KCNH8: variants seen among roughly 807,000 people sequenced by gnomAD.
The protein encoded by KCNH8 is potassium voltage-gated channel subfamily H member 8.
Under a neutral mutation model 103.6 loss-of-function variants are expected in KCNH8, and 70 were observed. That is an observed-to-expected ratio of 0.68 (90% CI 0.56 to 0.82). The LOEUF is 0.82. Ranked by LOEUF, KCNH8 falls within the 40% of genes least tolerant of loss-of-function variation. The probability of loss-of-function intolerance (pLI) is 0.00; values close to 1 mark genes in which losing one functional copy is unlikely to be tolerated. For synonymous variants in KCNH8, 498 were observed against 489.4 expected, an observed-to-expected ratio of 1.02 and a Z score of -0.23; for missense variants, 1,217 against 1,329.9, an observed-to-expected ratio of 0.92 and a Z score of 1.32.
intron 11 of KCNH8, among the ~76,000 whole-genome samples, chr3:19,490,182 C>A (rs936708904): frequency 6.6e-6 from 1 of 152,256 alleles, no homozygotes; most frequent in Non-Finnish European, 1.5e-5. Flanking sequence ...AAGGGGCTGA[C>A]TCAACTGTCC....
At chr3:19,489,747 T>C (rs1042633112) in intron 11 of KCNH8, among the ~76,000 whole-genome samples, 2 of 151,914 alleles carry the variant, frequency 1.3e-5, no homozygotes, top group Non-Finnish European at 2.9e-5. Flanking sequence ...AAAGAACAGG[T>C]AAAGAGGGCA....
chr3:19,484,677 C>CGA (rs1213416552), intron 11 of KCNH8, among the ~76,000 whole-genome samples: 1 of 151,444 alleles, frequency 6.6e-6, no homozygotes, highest in Non-Finnish European at 1.5e-5. Context: ...GGTTTGAGGT[C>CGA]CTTTCCACGG....
At chr3:19,204,979 A>G (rs960919916) in intron 1 of KCNH8, among the ~76,000 whole-genome samples, 1 of 152,150 alleles carries the variant, frequency 6.6e-6, no homozygotes, top group African/African-American at 2.4e-5. Context: ...AGTGTTTCCT[A>G]TACCTATTAG....
chr3:19,484,968 A>G lies in KCNH8; in HGVS notation c.2041-25395A>G, dbSNP rs1335506574. ...AGAAGGAGTGCATTTAATTTTAAACAATACCATAGGAAGGGCCTGTATCTA... is the reference window on the plus strand; with the variant it reads ...AGAAGGAGTGCATTTAATTTTAAACGATACCATAGGAAGGGCCTGTATCTA... On this transcript the variant is annotated intron_variant, in intron 11 of 15. Coordinates refer to ENST00000328405, the MANE Select transcript of KCNH8 (RefSeq NM_144633.3). Among the ~76,000 whole-genome samples, 5 of 152,258 alleles carry G rather than the reference A, an allele frequency of 3.3e-5. No homozygotes were observed. In the East Asian group the frequency reaches 9.6e-4, roughly 29 times the overall value.
intron 2 of KCNH8, among the ~76,000 whole-genome samples, chr3:19,261,452 T>C (rs1389167469): frequency 6.6e-6 from 1 of 151,938 alleles, no homozygotes; most frequent in Non-Finnish European, 1.5e-5. Context: ...ATATGTTTCC[T>C]TGCCATTGAG....
At chr3:19,463,416 G>A (rs1384767513) in intron 11 of KCNH8, among the ~76,000 whole-genome samples, 2 of 152,022 alleles carry the variant, frequency 1.3e-5, no homozygotes, top group African/African-American at 4.8e-5. Flanking sequence ...TAAGGGTTTG[G>A]TCAAAAAGTA....
At chr3:19,508,836 A>T (rs1225033207) in intron 11 of KCNH8, among the ~76,000 whole-genome samples, 3 of 152,202 alleles carry the variant, frequency 2.0e-5, no homozygotes, top group African/African-American at 7.2e-5. Context: ...GGGATTCAGC[A>T]ACTTGACAGA....
At chr3:19,435,636 A>G (rs1195137497) in intron 7 of KCNH8, among the ~76,000 whole-genome samples, 1 of 152,178 alleles carries the variant, frequency 6.6e-6, no homozygotes, top group African/African-American at 2.4e-5. Flanking sequence ...AGGTGTGATT[A>G]AGTACTTGCT....
chr3:19,160,709 C>T (rs893291567), intron 1 of KCNH8, among the ~76,000 whole-genome samples: 4 of 152,114 alleles, frequency 2.6e-5, no homozygotes, highest in African/African-American at 9.7e-5. Flanking sequence ...GCACACCCTT[C>T]TGAGTAGTGT....
chr3:19,380,479 C>T (rs1026901135), intron 5 of KCNH8, among the ~76,000 whole-genome samples: 1 of 152,126 alleles, frequency 6.6e-6, no homozygotes, highest in Non-Finnish European at 1.5e-5. Context: ...TATTGAGTTC[C>T]TGTGGCTATT....
At chr3:19,247,291 TC>T (rs2064218673) in intron 1 of KCNH8, among the ~76,000 whole-genome samples, 12 of 152,214 alleles carry the variant, frequency 7.9e-5, no homozygotes, top group Admixed American at 7.9e-4. Context: ...GTACTATTAA[TC>T]TAATAAAGAT....
intron 3 of KCNH8, among the ~76,000 whole-genome samples, chr3:19,310,108 G>A (rs2065189616): frequency 6.6e-6 from 1 of 151,932 alleles, no homozygotes; most frequent in Non-Finnish European, 1.5e-5. Flanking sequence ...CCTGAATATA[G>A]TAGTTACGTC....
chr3:19,170,695 CATATATATACACAT>C (rs1559406947), intron 1 of KCNH8, among the ~76,000 whole-genome samples: 8 of 142,074 alleles, frequency 5.6e-5, no homozygotes, highest in African/African-American at 1.9e-4. Flanking sequence ...TATATACACA[CATATATATACACAT>C]ATATACACAC....
At chr3:19,446,642 G>C (rs2067366702) in intron 8 of KCNH8, among the ~76,000 whole-genome samples, 1 of 151,884 alleles carries the variant, frequency 6.6e-6, no homozygotes, top group Non-Finnish European at 1.5e-5. Flanking sequence ...CCCAAAACCT[G>C]AGCTCTGGCC....
intron 11 of KCNH8, among the ~76,000 whole-genome samples, chr3:19,459,108 A>G (rs1210934798): frequency 6.6e-6 from 1 of 152,068 alleles, no homozygotes; most frequent in Non-Finnish European, 1.5e-5. Flanking sequence ...CTTTGGATAT[A>G]TACCCAGTAT....
At chr3:19,332,242 G>A (rs1226642127) in intron 3 of KCNH8, among the ~76,000 whole-genome samples, 2 of 151,972 alleles carry the variant, frequency 1.3e-5, no homozygotes, top group Non-Finnish European at 2.9e-5. Context: ...TTTTATTACA[G>A]TCATACCAAC....
At chr3:19,444,435 G>A (rs6776448) in intron 8 of KCNH8, among the ~76,000 whole-genome samples, 6 of 151,668 alleles carry the variant, frequency 4.0e-5, no homozygotes, top group East Asian at 1.9e-4. Context: ...TTTTTATGAC[G>A]TCTGATTTGG....
intron 1 of KCNH8, among the ~76,000 whole-genome samples, chr3:19,210,287 CT>C (rs1247915415): frequency 6.6e-6 from 1 of 151,910 alleles, no homozygotes; most frequent in Non-Finnish European, 1.5e-5. Context: ...CTTTCTTCTA[CT>C]TTTTTCTTTT....
chr3:19,497,065 G>A (rs1008200032), intron 11 of KCNH8, among the ~76,000 whole-genome samples: 1 of 151,992 alleles, frequency 6.6e-6, no homozygotes, highest in African/African-American at 2.4e-5. Context: ...GTCTCTGAGG[G>A]TTTTTTATAT....
Sources: allele counts gnomAD v4.1 joint callset (sites outside exome capture counted in the v4.1 genomes callset), GRCh38; gene constraint gnomAD v4.1.1; transcripts MANE v1.5; gene names NCBI Gene and HGNC (gene_info 2026-07-23, HGNC 2026-07-21).